The following UNC13C variants were observed in gnomAD, a reference collection of about 807,000 sequenced individuals.
UNC13C encodes protein unc-13 homolog C.
Under a neutral mutation model 245.4 loss-of-function variants are expected in UNC13C, and 174 were observed. That is an observed-to-expected ratio of 0.71 (90% CI 0.63 to 0.80). The LOEUF (loss-of-function observed/expected upper bound fraction) is 0.80. Among genes scored for constraint, UNC13C ranks in the 30% least tolerant of loss-of-function variants. The pLI, the probability that UNC13C is intolerant of heterozygous loss-of-function variation, is 0.00. For synonymous variants in UNC13C, 992 were observed against 895.1 expected (o/e 1.11, Z -1.93); for missense variants, 2,829 against 2,602.9 (o/e 1.09, Z -1.89).
chr15:54,045,845 T>C (rs1326066296), intron 2 of UNC13C, among the ~76,000 whole-genome samples: 1 of 152,238 alleles, frequency 6.6e-6, no homozygotes, highest in East Asian at 1.9e-4. Context: ...ACCATCAAGT[T>C]TGCAAAATGA....
At chr15:54,332,313 G>GTA (rs1346210396) in intron 15 of UNC13C, among the ~76,000 whole-genome samples, 8 of 149,898 alleles carry the variant, frequency 5.3e-5, no homozygotes, top group African/African-American at 2.0e-4. Context: ...CTCTGTGTGT[G>GTA]TGTGTGTGTG....
In UNC13C at chr15:54,015,696, T is replaced by C. The variant is rs541340431; in HGVS notation, c.2793T>C (p.Ser931=). 8.1e-6 allele frequency: 13 copies of C among 1,613,592 alleles called. No homozygotes were observed. In the South Asian group the frequency reaches 1.1e-4, roughly 14 times the overall value. ...ATGGTCCAGCAGATGATATGGTTAG[T>C]GAAGAGGGGTTAGAACCCTTAAATG... is the stretch of plus-strand genomic sequence containing the variant. The part of the protein sequence containing the change: ...GYDGPADDMV[S]EEGLEPLNET... The change falls in exon 2 of 33, where the codon AGT becomes AGC. Residue 931 remains serine, a synonymous_variant. Transcript: ENST00000260323.
intron 2 of UNC13C, among the ~76,000 whole-genome samples, chr15:54,094,265 A>G (rs559939578): frequency 2.6e-5 from 4 of 152,222 alleles, no homozygotes; most frequent in South Asian, 2.1e-4. Context: ...TCAATTCTAC[A>G]TGGTAGTTTG....
At chr15:54,317,672 A>G (rs1420636514) in intron 13 of UNC13C, among the ~76,000 whole-genome samples, 1 of 151,982 alleles carries the variant, frequency 6.6e-6, no homozygotes, top group Admixed American at 6.6e-5. Flanking sequence ...AGGCACATAT[A>G]CTCTGTGGTA....
chr15:54,347,201 T>TGAGCTAATG (rs2038878117), intron 17 of UNC13C, among the ~76,000 whole-genome samples: 1 of 152,168 alleles, frequency 6.6e-6, no homozygotes, highest in African/African-American at 2.4e-5. Flanking sequence ...AGAATTATGC[T>TGAGCTAATG]GAGCTAATGT....
chr15:54,078,886 A>C (rs1898781295), intron 2 of UNC13C, among the ~76,000 whole-genome samples: 2 of 152,208 alleles, frequency 1.3e-5, no homozygotes, highest in African/African-American at 4.8e-5. Flanking sequence ...TTTTTTGCCT[A>C]GGCCAATATC....
At chr15:54,084,465 C>T (rs1371745482) in intron 2 of UNC13C, among the ~76,000 whole-genome samples, 1 of 152,140 alleles carries the variant, frequency 6.6e-6, no homozygotes, top group African/African-American at 2.4e-5. Context: ...TTTATAAATT[C>T]CCAGCCTTGT....
chr15:54,279,448 G>A (rs1052042929), intron 10 of UNC13C, among the ~76,000 whole-genome samples: 3 of 152,196 alleles, frequency 2.0e-5, no homozygotes, highest in African/African-American at 7.2e-5. Context: ...TGAGAGGGAT[G>A]TTAGTTGACA....
At chr15:54,492,788 A>G (rs1283651400) in intron 19 of UNC13C, among the ~76,000 whole-genome samples, 1 of 152,134 alleles carries the variant, frequency 6.6e-6, no homozygotes, top group African/African-American at 2.4e-5. Context: ...CCACACTCCA[A>G]AGCAGTATCT....
chr15:54,582,105 C>T (rs540866743), intron 30 of UNC13C, among the ~76,000 whole-genome samples: 3 of 151,776 alleles, frequency 2.0e-5, no homozygotes, highest in Admixed American at 6.6e-5. Flanking sequence ...GGAATGAGGA[C>T]GGGAAAGAAG....
At chr15:54,586,186 AC>A (rs1168334965) in intron 30 of UNC13C, among the ~76,000 whole-genome samples, 1 of 152,248 alleles carries the variant, frequency 6.6e-6, no homozygotes, top group Admixed American at 6.5e-5. Flanking sequence ...ACAAAGAGGT[AC>A]AAGCTTTCTA....
At chr15:53,929,478 A>G in the UNC13C span, among the ~76,000 whole-genome samples, 1 of 152,202 alleles carries the variant, frequency 6.6e-6, no homozygotes, top group Admixed American at 6.5e-5. Flanking sequence ...AACTACTAAA[A>G]TTTAGAATGA....
intron 5 of UNC13C, among the ~76,000 whole-genome samples, chr15:54,236,129 C>G (rs1483390932): frequency 1.3e-5 from 2 of 151,972 alleles, no homozygotes; most frequent in African/African-American, 2.4e-5. Flanking sequence ...ATATTTTCCC[C>G]CATAAAAAGT....
chr15:53,888,769 GC>G, the UNC13C span, among the ~76,000 whole-genome samples: 1 of 152,080 alleles, frequency 6.6e-6, no homozygotes, highest in South Asian at 2.1e-4. Context: ...TCCATGTATG[GC>G]TAGCCAGTTT....
In UNC13C at chr15:54,413,793, C is replaced by T. The variant is rs570504623; in HGVS notation, c.4848-1189C>T. ...GTCATATTTCCTTAGGTAACACTTT[C>T]CATACAGGATTATACTCTTTTTTTA... On this transcript the variant is annotated intron_variant, in intron 18 of 32. Transcript: ENST00000260323. 4.6e-5 allele frequency among the ~76,000 whole-genome samples: 7 copies of T among 152,216 alleles called. No individual in the cohort carries two copies. The East Asian group carries it at 1.4e-3, about 29-fold the overall frequency.
chr15:54,313,190 A>G (rs1394360895), intron 13 of UNC13C, among the ~76,000 whole-genome samples: 1 of 151,826 alleles, frequency 6.6e-6, no homozygotes, highest in Non-Finnish European at 1.5e-5. Context: ...TTATAAGTAG[A>G]ATATTATTCG....
chr15:54,097,232 T>G (rs550562975), intron 2 of UNC13C, among the ~76,000 whole-genome samples: 42 of 152,342 alleles, frequency 2.8e-4, no homozygotes, highest in African/African-American at 1.0e-3. Flanking sequence ...TTCTTTCAAG[T>G]TTACTTTGCA....
the UNC13C span, among the ~76,000 whole-genome samples, chr15:53,955,370 G>A: frequency 6.6e-6 from 1 of 151,828 alleles, no homozygotes; most frequent in Admixed American, 6.6e-5. Flanking sequence ...CAAACATACT[G>A]AATTAAGAAA....
chr15:53,984,112 T>A (rs1894032533), intron 1 of UNC13C, among the ~76,000 whole-genome samples: 1 of 152,130 alleles, frequency 6.6e-6, no homozygotes, highest in Non-Finnish European at 1.5e-5. Flanking sequence ...AAAAAATGCT[T>A]TGAACATGAC....
Sources: allele counts gnomAD v4.1 joint callset (sites outside exome capture counted in the v4.1 genomes callset), GRCh38; gene constraint gnomAD v4.1.1; transcripts MANE v1.5; gene names NCBI Gene and HGNC (gene_info 2026-07-23, HGNC 2026-07-21).